Variants in TFDP2 observed in about 807,000 individuals in gnomAD.
TFDP2 encodes the protein transcription factor Dp-2 (E2F dimerization partner 2).
TFDP2 carries 17 observed loss-of-function variants against 59.3 expected under a neutral mutation model. The observed-to-expected ratio is 0.29, with a 90% CI of 0.20 to 0.43. The LOEUF (loss-of-function observed/expected upper bound fraction) is 0.43, where lower values mean the gene tolerates loss of function less well. Among genes scored for constraint, TFDP2 ranks in the 20% least tolerant of loss-of-function variants. TFDP2 has a pLI of 1.00. For missense variants in TFDP2, 391 were observed against 528.8 expected (o/e 0.74, Z 2.56); for synonymous variants, 180 against 194.7 (o/e 0.92, Z 0.63).
chr3:141,988,623 C>T (rs1297031525), intron 6 of TFDP2, among the ~76,000 whole-genome samples: 1 of 151,104 alleles, frequency 6.6e-6, no homozygotes, highest in African/African-American at 2.4e-5. Context: ...ATTCTGTTTT[C>T]ATGTTTTAAT....
At chr3:141,978,435 C>T (rs1202131439) in intron 7 of TFDP2, 85 bp downstream of exon 7, 5 of 1,353,050 alleles carry the variant, frequency 3.7e-6, no homozygotes, top group East Asian at 2.5e-5. Flanking sequence ...CAAGTATAGT[C>T]GTGATTCCTC....
At chr3:142,075,906 C>CAAAAAAAAAAAAAAAAAAAAAAA (rs60581045) in intron 3 of TFDP2, among the ~76,000 whole-genome samples, 1 of 80,708 alleles carries the variant, frequency 1.2e-5, no homozygotes, top group African/African-American at 5.4e-5. Context: ...GAACCTGCCT[C>CAAAAAAAAAAAAAAAAAAAAAAA]AAAAAAAAAA....
intron 3 of TFDP2, among the ~76,000 whole-genome samples, chr3:142,014,388 G>T (rs955242217): frequency 2.6e-5 from 4 of 151,770 alleles, no homozygotes; most frequent in African/African-American, 9.7e-5. Context: ...GAGCTCAAGC[G>T]ATCCTCCCAC....
At chr3:142,137,368 T>C (rs1446928427) in intron 1 of TFDP2, among the ~76,000 whole-genome samples, 1 of 152,214 alleles carries the variant, frequency 6.6e-6, no homozygotes, top group Non-Finnish European at 1.5e-5. Flanking sequence ...CTGAATACCC[T>C]TTATTTCTTT....
intron 3 of TFDP2, among the ~76,000 whole-genome samples, chr3:142,051,350 C>T (rs757326725): frequency 2.0e-5 from 3 of 152,108 alleles, no homozygotes; most frequent in Non-Finnish European, 4.4e-5. Context: ...ACCAGCCTGG[C>T]CAATGTGGTG....
chr3:142,060,711 A>T (rs16852075), intron 3 of TFDP2, among the ~76,000 whole-genome samples: 1 of 151,524 alleles, frequency 6.6e-6, no homozygotes, highest in African/African-American at 2.4e-5. Context: ...AATTCTGAGA[A>T]CTACACATGG....
intron 11 of TFDP2, among the ~76,000 whole-genome samples, chr3:141,954,256 G>C (rs1048666714): frequency 6.6e-6 from 1 of 152,156 alleles, no homozygotes; most frequent in Non-Finnish European, 1.5e-5. Flanking sequence ...TGACAACACT[G>C]ATCAATTCTT....
intron 8 of TFDP2, 54 bp downstream of exon 8, chr3:141,973,994 C>T (rs1163323857): frequency 1.2e-5 from 18 of 1,527,458 alleles, no homozygotes; most frequent in Admixed American, 2.2e-5. Flanking sequence ...AATTAAAATG[C>T]CTGTGATGTA....
chr3:142,126,993 A>G (rs1001498714), intron 1 of TFDP2, among the ~76,000 whole-genome samples: 1 of 150,412 alleles, frequency 6.6e-6, no homozygotes, highest in Non-Finnish European at 1.5e-5. Context: ...AAAAAGATAA[A>G]AAAGGATAAA....
chr3:141,998,325 G>C (rs563600495), intron 4 of TFDP2, among the ~76,000 whole-genome samples: 1 of 152,240 alleles, frequency 6.6e-6, no homozygotes, highest in African/African-American at 2.4e-5. Context: ...GAAATCCCAG[G>C]CCAGGCACAG....
chr3:142,066,577 G>C (rs1381429207), intron 3 of TFDP2, among the ~76,000 whole-genome samples: 1 of 152,126 alleles, frequency 6.6e-6, no homozygotes, highest in African/African-American at 2.4e-5. Flanking sequence ...GTACTCGAAA[G>C]TATGGTTTCT....
intron 3 of TFDP2, chr3:142,043,865 G>A (rs908747340): frequency 3.5e-5 from 43 of 1,245,074 alleles, no homozygotes; most frequent in East Asian, 1.6e-4. Flanking sequence ...TACATATGGC[G>A]ATCAATCTTC....
At chr3:142,052,549 A>G (rs1384082745) in intron 3 of TFDP2, among the ~76,000 whole-genome samples, 1 of 152,074 alleles carries the variant, frequency 6.6e-6, no homozygotes, top group African/African-American at 2.4e-5. Context: ...TCAAAGAAAA[A>G]AAAAAAGAAA....
At chr3:142,049,125 T>G (rs1176391387) in intron 3 of TFDP2, among the ~76,000 whole-genome samples, 2 of 152,280 alleles carry the variant, frequency 1.3e-5, no homozygotes, top group Non-Finnish European at 2.9e-5. Context: ...TAAAAGGTAC[T>G]TCAGAAAAGG....
chr3:142,050,989 T>C (rs1399056271), intron 3 of TFDP2, among the ~76,000 whole-genome samples: 1 of 152,258 alleles, frequency 6.6e-6, no homozygotes, highest in African/African-American at 2.4e-5. Context: ...CTAAAATTTA[T>C]ATAAAATGCA....
At chr3:141,979,622 T>C (rs1941224564) in intron 6 of TFDP2, among the ~76,000 whole-genome samples, 1 of 152,110 alleles carries the variant, frequency 6.6e-6, no homozygotes, top group South Asian at 2.1e-4. Context: ...AGAGTTTCGC[T>C]CTATCCCCTA....
chr3:142,078,456 G>A (rs936652119), intron 3 of TFDP2, among the ~76,000 whole-genome samples: 3 of 152,192 alleles, frequency 2.0e-5, no homozygotes, highest in African/African-American at 7.2e-5. Flanking sequence ...CTCTGTTTGG[G>A]AAAAAGAAAG....
At chr3:142,101,905 T>G in intron 1 of TFDP2, 64 bp from the exon 2 acceptor site, 1 of 454,880 alleles carries the variant, frequency 2.2e-6, no homozygotes. Context: ...TTATGTCATA[T>G]TTACTATGTG....
chr3:142,148,594 C>T (rs1012472627), intron 1 of TFDP2, among the ~76,000 whole-genome samples: 1 of 152,166 alleles, frequency 6.6e-6, no homozygotes, highest in African/African-American at 2.4e-5. Context: ...GAGACTGGGG[C>T]GCTCATCCAC....
Sources: allele counts gnomAD v4.1 joint callset (sites outside exome capture counted in the v4.1 genomes callset), GRCh38; gene constraint gnomAD v4.1.1; transcripts MANE v1.5; gene names NCBI Gene and HGNC (gene_info 2026-07-23, HGNC 2026-07-21).